DIDO1: variants seen among roughly 807,000 people sequenced by gnomAD.
DIDO1 encodes death inducer-obliterator 1, also known as death-inducer obliterator 1.
Under a neutral mutation model 99.4 loss-of-function variants are expected in DIDO1, and 16 were observed. The observed-to-expected ratio is 0.16, with a 90% CI of 0.11 to 0.24. The LOEUF (loss-of-function observed/expected upper bound fraction) is 0.24. Ranked by LOEUF, DIDO1 falls within the 10% of genes least tolerant of loss-of-function variation. DIDO1 has a pLI of 1.00. For synonymous variants in DIDO1, 1,366 were observed against 1,239.1 expected, an observed-to-expected ratio of 1.10 and a Z score of -2.15; for missense variants, 2,996 against 3,014.0, an observed-to-expected ratio of 0.99 and a Z score of 0.14.
rs764398815 is a variant in DIDO1 at position 62,882,041 on chromosome 20, C to T, written c.3915G>A (p.Ser1305=). The T allele has an allele frequency of 2.2e-5, 35 of 1,613,536 alleles. No individual in the cohort carries two copies. Among genetic ancestry groups the T allele is most frequent in the Middle Eastern group, 1.6e-4 (1 of 6,062 alleles). ...GCGGTGATGCTGTTTTGGAAGCAGA[C>T]GAAGCGGTGGAGGAAGCTGCCGTGG... ...AASTAASSTA[S]SASKTASPLE... Residue 1305 remains serine (S), a synonymous_variant, in exon 16 of 16, where the codon TCG becomes TCA. Coordinates refer to ENST00000395343, the MANE Select transcript of DIDO1 (RefSeq NM_001193369.2).
At position 62,881,896 on chromosome 20, in the gene DIDO1, C is replaced by A. The variant is rs547360425; in HGVS notation, c.4060G>T (p.Val1354Leu). The A allele has an allele frequency of 6.3e-4, 1,010 of 1,613,492 alleles. 20 individuals are homozygous for A. In the Admixed American group the frequency reaches 0.016, roughly 25 times the overall value. ...QEPKTTAEDG[V>L]PAPPLLDPIV... ...GGATCTAACAACGGAGGTGCCGGCACCCCGTCCTCTGCTGTGGTTTTGGGC... is the reference window on the plus strand; with the variant it reads ...GGATCTAACAACGGAGGTGCCGGCAACCCGTCCTCTGCTGTGGTTTTGGGC... The change falls in exon 16 of 16, where the codon GTG becomes TTG. Residue 1354 changes from valine to leucine, a missense_variant. This residue lies in a region of DIDO1 where 1,562 missense variants were observed against 1,412.6 expected (regional missense o/e 1.11). Coordinates refer to ENST00000395343, the MANE Select transcript of DIDO1 (RefSeq NM_001193369.2). This position sits in a 1 kb window ranked among gnomAD's most constrained non-coding sequence, Gnocchi z 8.3.
chr20:62,882,506 G>T, intron 15 of DIDO1, 92 bp from the exon 16 acceptor site: 1 of 1,247,180 alleles, frequency 8.0e-7, no homozygotes, highest in Non-Finnish European at 1.1e-6. Flanking sequence ...CACGGGGAAC[G>T]TTTAATAGAC....
intron 4 of DIDO1, 57 bp downstream of exon 4, chr20:62,909,642 A>G: frequency 6.3e-7 from 1 of 1,587,808 alleles, no homozygotes; most frequent in East Asian, 2.2e-5. Flanking sequence ...ATCTAGAGCG[A>G]GACTGAAACC....
chr20:62,886,407 A>G (rs2064298518), intron 15 of DIDO1, among the ~76,000 whole-genome samples: 2 of 152,174 alleles, frequency 1.3e-5, no homozygotes, highest in African/African-American at 4.8e-5. Context: ...AGGGGTCTGG[A>G]CTCAGTGGTC....
intron 12 of DIDO1, among the ~76,000 whole-genome samples, chr20:62,893,170 C>T (rs554725914): frequency 3.3e-5 from 5 of 152,230 alleles, no homozygotes; most frequent in South Asian, 2.1e-4. Context: ...GGACTACACG[C>T]GTGCATTACC....
rs766879213 is a variant in DIDO1, at chr20:62,880,559, T to A, written c.5397A>T (p.Arg1799Ser). The A allele has an allele frequency of 5.6e-6, 9 of 1,612,976 alleles. 1 individual carries two copies. The South Asian group carries it at 9.9e-5, about 18-fold the overall frequency. ...GGATGGGCCCCTTCTGGGCTCCGAA[T>A]CTGGCTGGCGGAGGCCCTCGTGGCC... is the stretch of plus-strand genomic sequence containing the variant. ...NDGPRGPPPARFGAQKGPIPS... is the reference protein window; with the variant it reads ...NDGPRGPPPASFGAQKGPIPS... The change falls in exon 16 of 16, where the codon AGA (arginine) becomes AGT (serine). Residue 1799 changes from arginine to serine, a missense_variant. This residue lies in a region of DIDO1 where 1,562 missense variants were observed against 1,412.6 expected (regional missense o/e 1.11). Coordinates refer to ENST00000395343, the MANE Select transcript of DIDO1 (RefSeq NM_001193369.2).
At chr20:62,899,468 C>T (rs539652133) in intron 6 of DIDO1, among the ~76,000 whole-genome samples, 3 of 152,304 alleles carry the variant, frequency 2.0e-5, no homozygotes, top group South Asian at 4.1e-4. Context: ...CATGGCCACA[C>T]TCAGATTTCT....
rs768692577 is a variant in DIDO1, at chr20:62,892,068, A to T, written c.3264T>A (p.Pro1088=). The change falls in exon 14 of 16, where the codon CCT becomes CCA. Residue 1088 remains proline, a synonymous_variant. Coordinates refer to ENST00000395343, the MANE Select transcript of DIDO1 (RefSeq NM_001193369.2). ...GCFDYLSEDL[P]DTIHIGGRIA... ...TCCTCCCACCAATGTGAATTGTGTC[A>T]GGCAAATCCTAAACAGAAAGTACTT... 2.5e-6 allele frequency: 4 copies of T among 1,611,326 alleles called. No individual in the cohort carries two copies. Among genetic ancestry groups the T allele is most frequent in the African/African-American group, 1.3e-5 (1 of 74,798 alleles).
At chr20:62,899,880 G>A (rs1356914259) in intron 6 of DIDO1, among the ~76,000 whole-genome samples, 1 of 152,216 alleles carries the variant, frequency 6.6e-6, no homozygotes, top group African/African-American at 2.4e-5. Flanking sequence ...TTCCACTCCA[G>A]GTGGGACAGC....
intron 1 of DIDO1, among the ~76,000 whole-genome samples, chr20:62,922,100 C>A (rs1286085736): frequency 5.7e-5 from 4 of 69,588 alleles, no homozygotes; most frequent in African/African-American, 2.3e-4. Flanking sequence ...TATATACACA[C>A]TATATATATA....
chr20:62,882,375 A>G lies in DIDO1; in HGVS notation c.3581T>C (p.Val1194Ala), dbSNP rs775192889. ...GGGACGTTTGATTTTTTGGCAGATT[A>G]CTAACCCAAGAATTATATTCGGACG... ...SPRPNIILGL[V>A]ICQKIKRPAN... Residue 1194 changes from valine (V) to alanine (A), a missense_variant, in exon 16 of 16, where the codon GTA (valine) becomes GCA (alanine). By Grantham distance (64) the Val-to-Ala change is moderately conservative. Transcript: ENST00000395343. 6 of 1,613,676 alleles carry G rather than the reference A, an allele frequency of 3.7e-6. No homozygotes were observed. The South Asian group carries it at 4.4e-5, about 12-fold the overall frequency.
chr20:62,921,016 C>T (rs1305009170), intron 1 of DIDO1, among the ~76,000 whole-genome samples: 1 of 152,166 alleles, frequency 6.6e-6, no homozygotes, highest in African/African-American at 2.4e-5. Context: ...GCCTCAGCCT[C>T]CCGAGTAGCT....
At position 62,888,990 on chromosome 20, in the gene DIDO1, C is replaced by T. The variant is rs923594901; in HGVS notation, c.3541+1970G>A. The T allele has an allele frequency of 9.1e-6, 9 of 985,390 alleles. No individual in the cohort carries two copies. In the African/African-American group the frequency reaches 1.6e-4, roughly 17 times the overall value. The allele number at this position is 985,390 out of a possible 1,614,324, so 61.0% of individuals were successfully genotyped here. ...CCTGTGTTACTTTACCCAGACGCCT[C>T]TGCTCTTTATCGTGGATCAAAGTCC... On this transcript the variant is annotated intron_variant, in intron 15 of 15. Coordinates refer to ENST00000395343, the MANE Select transcript of DIDO1 (RefSeq NM_001193369.2).
At chr20:62,888,180 C>A (rs957346054) in intron 15 of DIDO1, 32 of 985,390 alleles carry the variant, frequency 3.2e-5, no homozygotes, top group Admixed American at 1.2e-4. Context: ...GGGGCTAGGA[C>A]TGGACACCAC....
Position 62,881,011 on chromosome 20 carries a change from C to T in DIDO1, c.4945G>A (p.Asp1649Asn). The T allele has an allele frequency of 1.2e-6, 2 of 1,606,216 alleles. No homozygotes were observed. The highest frequency in any genetic ancestry group is 1.7e-6 in the Non-Finnish European group (2 of 1,178,682). ...CTCCGGGCAGGCCTGGCCGAGCTGT[C>T]TCCAACCGTGGCGGGGCGGGTGCCC... ...GEGTRPATVG[D>N]SSARPARRVL... Residue 1649 changes from aspartate (D) to asparagine (N), a missense_variant, in exon 16 of 16, where the codon GAC becomes AAC. By Grantham distance (23) the Asp-to-Asn change is conservative (BLOSUM62 1). Transcript: ENST00000395343. The surrounding 1 kb of genome is among the most constrained non-coding windows in gnomAD (Gnocchi z 8.3).
upstream of DIDO1, among the ~76,000 whole-genome samples, chr20:62,930,096 C>T (rs1431099766): frequency 6.6e-6 from 1 of 151,856 alleles, no homozygotes; most frequent in African/African-American, 2.4e-5. Flanking sequence ...AAAAATTAGC[C>T]GGGCGTGGTG....
At chr20:62,906,244 C>T in intron 5 of DIDO1, 144 bp from the exon 6 acceptor site, 34 of 1,102,208 alleles carry the variant, frequency 3.1e-5, no homozygotes, top group Non-Finnish European at 4.3e-5. Flanking sequence ...TGCTTGGCAG[C>T]AGTTCAACAC....
At chr20:62,918,582 C>T (rs2065079868) in intron 1 of DIDO1, among the ~76,000 whole-genome samples, 1 of 152,140 alleles carries the variant, frequency 6.6e-6, no homozygotes, top group Admixed American at 6.5e-5. Context: ...GACTTCTAAG[C>T]AAAAAGATAA....
intron 1 of DIDO1, among the ~76,000 whole-genome samples, chr20:62,925,616 T>C (rs528375646): frequency 1.4e-4 from 21 of 152,290 alleles, no homozygotes; most frequent in South Asian, 2.1e-4. Context: ...TCTAAACTTA[T>C]ATATTAAAGT....
Sources: allele counts gnomAD v4.1 joint callset (sites outside exome capture counted in the v4.1 genomes callset), GRCh38; gene constraint gnomAD v4.1.1; regional missense constraint gnomAD v4.1.1; non-coding constraint Gnocchi (gnomAD v3.1); transcripts MANE v1.5; gene names NCBI Gene and HGNC (gene_info 2026-07-23, HGNC 2026-07-21).